KCND2: variants seen among roughly 807,000 people sequenced by gnomAD.
KCND2 encodes potassium voltage-gated channel subfamily D member 2, also known as A-type voltage-gated potassium channel KCND2.
In KCND2, 16 loss-of-function variants were observed where a neutral mutation model predicts 54.4. That is an observed-to-expected ratio of 0.29 (90% CI 0.20 to 0.45). KCND2 has a LOEUF of 0.45. KCND2 is among the 20% of genes least tolerant of loss of function. The pLI, the probability that KCND2 is intolerant of heterozygous loss-of-function variation, is 1.00. For synonymous variants in KCND2, 317 were observed against 310.7 expected (o/e 1.02, Z -0.21); for missense variants, 486 against 824.2 (o/e 0.59, Z 5.02).
At chr7:120,741,706 T>C in intron 3 of KCND2, 77 bp downstream of exon 3, 3 of 1,008,118 alleles carry the variant, frequency 3.0e-6, no homozygotes, top group Non-Finnish European at 4.6e-6. Flanking sequence ...TTCCTATAAT[T>C]TTATTATGGC....
chr7:120,677,678 A>G (rs1020290873), intron 1 of KCND2, among the ~76,000 whole-genome samples: 13 of 151,940 alleles, frequency 8.6e-5, no homozygotes, highest in Non-Finnish European at 1.6e-4. Flanking sequence ...TTCTGAAGAC[A>G]TCAAGAGTAT....
At chr7:120,399,602 A>G (rs532339026) in intron 1 of KCND2, among the ~76,000 whole-genome samples, 1 of 152,176 alleles carries the variant, frequency 6.6e-6, no homozygotes, top group South Asian at 2.1e-4. Flanking sequence ...AATAATGTGT[A>G]GATGCTTCAA....
Position 120,533,385 on chromosome 7 carries a change from CAT to C in KCND2, c.1116-199516_1116-199515del, listed in dbSNP as rs561056096. Among the ~76,000 whole-genome samples the C allele has an allele frequency of 7.2e-5, 11 of 152,114 alleles. No individual in the cohort carries two copies. In the South Asian group the frequency reaches 2.1e-3, roughly 29 times the overall value. The stretch of plus-strand genomic sequence containing the variant: ...TCTTAACATTTGGAGATGTCATCGC[CAT>C]AGTTTCTCATAGCATTTTTAATACT... On this transcript the variant is annotated intron_variant, in intron 1 of 5. Coordinates refer to ENST00000331113, the MANE Select transcript of KCND2 (RefSeq NM_012281.3).
At chr7:120,691,482 G>C (rs1792268282) in intron 1 of KCND2, among the ~76,000 whole-genome samples, 1 of 152,148 alleles carries the variant, frequency 6.6e-6, no homozygotes, top group Non-Finnish European at 1.5e-5. Context: ...AAGAGACAGA[G>C]GTATAGGATG....
At chr7:120,332,609 A>G (rs1800084544) in intron 1 of KCND2, among the ~76,000 whole-genome samples, 1 of 152,100 alleles carries the variant, frequency 6.6e-6, no homozygotes, top group Non-Finnish European at 1.5e-5. Context: ...CTGAATGTTT[A>G]GCACTCTGGC....
chr7:120,366,862 C>T (rs76877775), intron 1 of KCND2, among the ~76,000 whole-genome samples: 4,204 of 152,214 alleles, frequency 0.028, 93 homozygotes, highest in Non-Finnish European at 0.047. Context: ...TGTCACTTTT[C>T]CTCATCTGTT....
intron 1 of KCND2, among the ~76,000 whole-genome samples, chr7:120,311,694 A>G (rs1391260259): frequency 1.3e-5 from 2 of 152,054 alleles, no homozygotes; most frequent in Non-Finnish European, 2.9e-5. Context: ...AGTACTCATT[A>G]GTTATTTTTT....
intron 1 of KCND2, among the ~76,000 whole-genome samples, chr7:120,529,851 G>A (rs1791821546): frequency 6.6e-6 from 1 of 152,108 alleles, no homozygotes; most frequent in Non-Finnish European, 1.5e-5. Flanking sequence ...GCGAGGCCGA[G>A]GCAGGAGGAT....
intron 1 of KCND2, among the ~76,000 whole-genome samples, chr7:120,596,844 C>T (rs1462993823): frequency 6.6e-6 from 1 of 152,188 alleles, no homozygotes; most frequent in Non-Finnish European, 1.5e-5. Context: ...TGTGATTATA[C>T]TACATTGTGC....
chr7:120,653,440 A>G (rs1228147986), intron 1 of KCND2, among the ~76,000 whole-genome samples: 2 of 152,100 alleles, frequency 1.3e-5, no homozygotes, highest in Non-Finnish European at 2.9e-5. Flanking sequence ...TGGGACTTTG[A>G]TAAACGGCCA....
At chr7:120,315,170 G>T (rs377454485) in intron 1 of KCND2, among the ~76,000 whole-genome samples, 1 of 152,130 alleles carries the variant, frequency 6.6e-6, no homozygotes, top group East Asian at 1.9e-4. Context: ...TGAAAGAATC[G>T]AATCTCTCTG....
intron 1 of KCND2, among the ~76,000 whole-genome samples, chr7:120,598,352 A>C (rs1019672603): frequency 6.6e-6 from 1 of 152,098 alleles, no homozygotes; most frequent in African/African-American, 2.4e-5. Flanking sequence ...CTATATTTGT[A>C]TTGTTAGATT....
chr7:120,430,117 A>C (rs1476502337), intron 1 of KCND2, among the ~76,000 whole-genome samples: 1 of 152,122 alleles, frequency 6.6e-6, no homozygotes, highest in African/African-American at 2.4e-5. Flanking sequence ...TAAACAACAG[A>C]AATTTGTTTT....
chr7:120,709,020 C>CA (rs1792504946), intron 1 of KCND2, among the ~76,000 whole-genome samples: 3 of 152,076 alleles, frequency 2.0e-5, no homozygotes, highest in Admixed American at 2.0e-4. Context: ...AAATCAAATT[C>CA]TCTGTGTATT....
At chr7:120,704,410 G>A (rs1022736719) in intron 1 of KCND2, among the ~76,000 whole-genome samples, 6 of 151,948 alleles carry the variant, frequency 3.9e-5, no homozygotes, top group African/African-American at 1.5e-4. Context: ...ATACAGAAAT[G>A]ATTCTTAAAT....
At chr7:120,366,246 A>T (rs1429446960) in intron 1 of KCND2, among the ~76,000 whole-genome samples, 1 of 152,100 alleles carries the variant, frequency 6.6e-6, no homozygotes, top group Non-Finnish European at 1.5e-5. Context: ...GCACTTTGGG[A>T]GTCCAAGGCA....
chr7:120,312,078 A>AT (rs1323258960), intron 1 of KCND2, among the ~76,000 whole-genome samples: 1 of 151,972 alleles, frequency 6.6e-6, no homozygotes, highest in African/African-American at 2.4e-5. Flanking sequence ...CTAATTTTGT[A>AT]TTTTTAATAG....
chr7:120,360,381 C>A (rs1800576486), intron 1 of KCND2, among the ~76,000 whole-genome samples: 1 of 152,002 alleles, frequency 6.6e-6, no homozygotes, highest in African/African-American at 2.4e-5. Context: ...CAAAGCCTAT[C>A]TTTGATCTCT....
intron 1 of KCND2, among the ~76,000 whole-genome samples, chr7:120,645,874 T>C (rs1295258357): frequency 6.6e-6 from 1 of 152,212 alleles, no homozygotes; most frequent in Non-Finnish European, 1.5e-5. Context: ...TTCACATTCA[T>C]ATAGATAAAG....
Sources: allele counts gnomAD v4.1 joint callset (sites outside exome capture counted in the v4.1 genomes callset), GRCh38; gene constraint gnomAD v4.1.1; transcripts MANE v1.5; gene names NCBI Gene and HGNC (gene_info 2026-07-23, HGNC 2026-07-21).